Variants in RNFT2 observed in about 807,000 individuals in gnomAD.
RNFT2 encodes E3 ubiquitin-protein ligase RNFT2.
A neutral mutation model predicts 53.0 loss-of-function variants in RNFT2; 36 were observed. The ratio of observed to expected loss-of-function variants is 0.68; its 90% confidence interval spans 0.52 to 0.90. The LOEUF is 0.90. Ranked by LOEUF, RNFT2 falls within the 40% of genes least tolerant of loss-of-function variation. The pLI is 0.00. For missense variants in RNFT2, 514 were observed against 585.6 expected (o/e 0.88, Z 1.26); for synonymous variants, 260 against 253.2 (o/e 1.03, Z -0.26).
chr12:116,793,112 G>A (rs1025858291), intron 7 of RNFT2, among the ~76,000 whole-genome samples: 1 of 152,036 alleles, frequency 6.6e-6, no homozygotes, highest in African/African-American at 2.4e-5. Context: ...AGCCAAGACG[G>A]GTTAAAGGTG....
At chr12:116,752,436 G>T (rs930611176) in intron 4 of RNFT2, among the ~76,000 whole-genome samples, 5 of 151,750 alleles carry the variant, frequency 3.3e-5, no homozygotes, top group Admixed American at 3.3e-4. Flanking sequence ...CACTTGGCAG[G>T]TTTTTTTTGT....
intron 7 of RNFT2, among the ~76,000 whole-genome samples, chr12:116,794,932 C>G (rs1874435264): frequency 6.6e-6 from 1 of 151,978 alleles, no homozygotes; most frequent in Non-Finnish European, 1.5e-5. Flanking sequence ...ATCATCGTAA[C>G]CTTTGTCCAC....
rs1410794985 is a variant in RNFT2 at position 116,750,272 on chromosome 12, TC to T, written c.517del (p.Leu173SerfsTer36). 1 of 1,605,960 alleles carries T rather than the reference TC, an allele frequency of 6.2e-7. No individual in the cohort carries two copies. Among genetic ancestry groups the T allele is most frequent in the South Asian group, 1.1e-5 (1 of 90,798 alleles). On this transcript the variant is annotated frameshift_variant, in exon 4 of 11. Transcript: ENST00000257575. LOFTEE classifies it high-confidence loss of function. Reference protein sequence around the residue: ...WLQKGLPFILILLAKLCFQHK... With the variant: ...WLQKGLPFILXLLAKLCFQHK... ...CAGAAAGGACTCCCCTTCATCCTGA[TC>T]CTCCTGGCCAAACTGTGCTTTCAGC...
rs1271706706 is a variant in RNFT2, at chr12:116,747,197, C to T, written c.84-2644C>T. Among the ~76,000 whole-genome samples, 3 of 152,054 alleles carry T rather than the reference C, an allele frequency of 2.0e-5. No individual in the cohort carries two copies. In the East Asian group the frequency reaches 5.8e-4, roughly 29 times the overall value. On this transcript the variant is annotated intron_variant, in intron 3 of 10. Coordinates refer to ENST00000257575, the MANE Select transcript of RNFT2 (RefSeq NM_001382266.1). ...TCAGCCTCCCCACTAGCTGGGACTA[C>T]AGGTGCGTGCCACCATGCCTGGCTA...
chr12:116,749,743 C>T, intron 3 of RNFT2, 98 bp from the exon 4 acceptor site: 1 of 1,082,614 alleles, frequency 9.2e-7, no homozygotes, highest in Non-Finnish European at 1.3e-6. Context: ...ACAGCTCAAC[C>T]CATAACATAA....
At position 116,754,315 on chromosome 12, in the gene RNFT2, T is replaced by C. The variant is rs376283123; in HGVS notation, c.627+255T>C. 2.6e-5 allele frequency among the ~76,000 whole-genome samples: 4 copies of C among 152,342 alleles called. No homozygotes were observed. In the South Asian group the frequency reaches 6.2e-4, roughly 24 times the overall value. On this transcript the variant is annotated intron_variant, in intron 5 of 10. Transcript: ENST00000257575. ...CTGTTAATTCATTCCTTTTTATGGC[T>C]GTGTAGCATTCCACCATGTATATAT...
chr12:116,773,652 G>A (rs1873297698), intron 6 of RNFT2, among the ~76,000 whole-genome samples: 1 of 152,148 alleles, frequency 6.6e-6, no homozygotes, highest in Admixed American at 6.6e-5. Context: ...ATAGTCACAG[G>A]CTCAGCAGAG....
intron 7 of RNFT2, among the ~76,000 whole-genome samples, chr12:116,782,455 A>C (rs1873758662): frequency 6.6e-6 from 1 of 152,160 alleles, no homozygotes; most frequent in Non-Finnish European, 1.5e-5. Context: ...TGAGGCCAGG[A>C]GTTCCAGGCT....
chr12:116,783,401 C>G (rs1873795690), intron 7 of RNFT2, among the ~76,000 whole-genome samples: 2 of 152,208 alleles, frequency 1.3e-5, no homozygotes, highest in Admixed American at 6.5e-5. Context: ...GCCTCACTCC[C>G]TTGTTAGATA....
Position 116,851,611 on chromosome 12 carries a change from G to T in RNFT2, c.*2163G>T, listed in dbSNP as rs528184135. ...AAAAATTAGCCGGGCGCGGTGGCGG[G>T]TGCCTGTAATCCCAGCTACTCAGGA... On this transcript the variant is annotated 3_prime_UTR_variant, in exon 11 of 11. Transcript: ENST00000257575. The T allele has an allele frequency of 1.0e-5, 6 of 601,926 alleles. No homozygotes were observed. The highest frequency in any genetic ancestry group is 5.9e-5 in the Admixed American group (2 of 33,670). The allele number at this position is 601,926 out of a possible 1,614,324, so 37.3% of individuals were successfully genotyped here.
At chr12:116,774,273 G>A (rs374757003) in intron 6 of RNFT2, among the ~76,000 whole-genome samples, 2 of 152,164 alleles carry the variant, frequency 1.3e-5, no homozygotes, top group East Asian at 1.9e-4. Context: ...AACTGTGCGC[G>A]TAAAAATGGT....
intron 7 of RNFT2, among the ~76,000 whole-genome samples, chr12:116,816,493 T>A (rs1875684609): frequency 6.6e-6 from 1 of 152,114 alleles, no homozygotes; most frequent in South Asian, 2.1e-4. Flanking sequence ...GAGAGGATCT[T>A]TATAGGAAAT....
At chr12:116,829,787 G>A (rs1244569242) in intron 7 of RNFT2, among the ~76,000 whole-genome samples, 2 of 152,052 alleles carry the variant, frequency 1.3e-5, no homozygotes, top group Non-Finnish European at 2.9e-5. Flanking sequence ...CACCATGTTG[G>A]CCAGGCTGGT....
intron 7 of RNFT2, among the ~76,000 whole-genome samples, chr12:116,829,337 T>TCAC (rs1166356279): frequency 6.6e-6 from 1 of 152,122 alleles, no homozygotes; most frequent in Admixed American, 6.6e-5. Context: ...TGTACTCCAG[T>TCAC]CACCCCCCAT....
intron 8 of RNFT2, among the ~76,000 whole-genome samples, chr12:116,835,633 A>G (rs764978773): frequency 6.6e-5 from 10 of 152,174 alleles, no homozygotes; most frequent in Admixed American, 5.2e-4. Context: ...TAGATGGAGA[A>G]GGGTTATCAG....
At chr12:116,783,888 G>C (rs1368134927) in intron 7 of RNFT2, among the ~76,000 whole-genome samples, 3 of 152,234 alleles carry the variant, frequency 2.0e-5, no homozygotes, top group Non-Finnish European at 2.9e-5. Flanking sequence ...CAAACTCTTA[G>C]AGGCCGCTTA....
chr12:116,848,755 C>A (rs1160197557), intron 10 of RNFT2, among the ~76,000 whole-genome samples: 1 of 152,104 alleles, frequency 6.6e-6, no homozygotes, highest in African/African-American at 2.4e-5. Flanking sequence ...GTAAAGTTGT[C>A]CTTAACGTCC....
At chr12:116,740,101 C>T (rs1361699946) in intron 1 of RNFT2, among the ~76,000 whole-genome samples, 1 of 151,784 alleles carries the variant, frequency 6.6e-6, no homozygotes, top group East Asian at 1.9e-4. Context: ...GTAATTTCAG[C>T]CACTCAGGAG....
chr12:116,834,035 G>A, intron 8 of RNFT2, 94 bp downstream of exon 8: 1 of 1,083,886 alleles, frequency 9.2e-7, no homozygotes, highest in Non-Finnish European at 1.2e-6. Flanking sequence ...GAATACCCAT[G>A]CTGATTTATT....
Sources: gnomAD v4.1 joint callset for allele counts (sites outside exome capture counted in the v4.1 genomes callset) on GRCh38, gnomAD v4.1.1 for gene constraint, MANE v1.5 for transcripts, NCBI Gene and HGNC (gene_info 2026-07-23, HGNC 2026-07-21) for gene names.